Variants in INTS4 observed in about 807,000 individuals in gnomAD.
The protein encoded by INTS4 is integrator complex subunit 4, also known as MSTP093.
A neutral mutation model predicts 119.5 loss-of-function variants in INTS4; 70 were observed. That is an observed-to-expected ratio of 0.59 (90% CI 0.48 to 0.71). The LOEUF is 0.71. Among genes scored for constraint, INTS4 ranks in the 30% least tolerant of loss-of-function variants. INTS4 has a pLI of 0.00. For synonymous variants in INTS4, 316 were observed against 419.6 expected (o/e 0.75, Z 3.02); for missense variants, 867 against 1,173.2 (o/e 0.74, Z 3.81).
At position 77,878,761 on chromosome 11, in the gene INTS4, G is replaced by C. The variant is rs1168440684; in HGVS notation, c.*188C>G. The stretch of plus-strand genomic sequence containing the variant: ...TTTATTGTGGACAGGAGAAGGGTAA[G>C]TAGACTTGAAGGTTTTTTATTTTTT... On this transcript the variant is annotated 3_prime_UTR_variant, in exon 23 of 23. Transcript: ENST00000534064. The C allele has an allele frequency of 1.4e-6, 1 of 694,746 alleles. No individual in the cohort carries two copies. Among genetic ancestry groups the C allele is most frequent in the Non-Finnish European group, 2.6e-6 (1 of 384,248 alleles). The allele number at this position is 694,746 out of a possible 1,614,324, so 43.0% of individuals were successfully genotyped here. A position where few individuals can be genotyped will look rare whatever the true frequency, so the allele number is the denominator to read the frequency against.
intron 8 of INTS4, among the ~76,000 whole-genome samples, chr11:77,941,845 A>G (rs1016274143): frequency 2.0e-5 from 3 of 152,088 alleles, no homozygotes; most frequent in Non-Finnish European, 2.9e-5. Flanking sequence ...TTAGACGTAT[A>G]TTAACTCATT....
chr11:77,970,491 G>A lies in INTS4; in HGVS notation c.471+8505C>T, dbSNP rs114608803. Among the ~76,000 whole-genome samples, 122 of 152,024 alleles carry A rather than the reference G, an allele frequency of 8.0e-4. 1 individual carries two copies. Among genetic ancestry groups the A allele is most frequent in the African/African-American group, 2.8e-3 (116 of 41,498 alleles). Reference sequence around the variant, plus strand: ...CAGAACAGCTGGGTCCTATGGTAAGGCTATTTTTAATTTTTTGAGGAACTG... The same window carrying A: ...CAGAACAGCTGGGTCCTATGGTAAGACTATTTTTAATTTTTTGAGGAACTG... On this transcript the variant is annotated intron_variant, in intron 4 of 22. Transcript: ENST00000534064.
chr11:77,984,102 A>T (rs1856358719), intron 2 of INTS4, among the ~76,000 whole-genome samples: 1 of 152,186 alleles, frequency 6.6e-6, no homozygotes, highest in African/African-American at 2.4e-5. Context: ...AACCTAGAGG[A>T]TATTATGCTA....
At chr11:77,967,973 T>C (rs573867963) in intron 4 of INTS4, among the ~76,000 whole-genome samples, 6 of 152,284 alleles carry the variant, frequency 3.9e-5, no homozygotes, top group East Asian at 1.9e-4. Flanking sequence ...ACCTAGATTG[T>C]AAAGCCTACT....
intron 8 of INTS4, among the ~76,000 whole-genome samples, chr11:77,950,072 A>G (rs529804858): frequency 7.9e-5 from 12 of 152,314 alleles, no homozygotes; most frequent in African/African-American, 2.6e-4. Flanking sequence ...GTGCAGGGAC[A>G]TGGATGAAGC....
At chr11:77,878,070 A>G (rs1951648106), downstream of INTS4, among the ~76,000 whole-genome samples, 1 of 152,156 alleles carries the variant, frequency 6.6e-6, no homozygotes, top group South Asian at 2.1e-4. Flanking sequence ...AAGATCAAGA[A>G]TTTCCTTCAA....
At chr11:77,928,620 G>A (rs926806035) in intron 10 of INTS4, 73 bp from the exon 11 acceptor site, 11 of 1,525,108 alleles carry the variant, frequency 7.2e-6, no homozygotes, top group Non-Finnish European at 9.7e-6. Context: ...CCAGCACTTT[G>A]GGAGGCCAAG....
At chr11:77,939,897 A>T (rs1019914976) in intron 9 of INTS4, among the ~76,000 whole-genome samples, 4 of 152,116 alleles carry the variant, frequency 2.6e-5, no homozygotes, top group African/African-American at 9.7e-5. Context: ...CATGCACAAG[A>T]AAAAGAGCTG....
intron 11 of INTS4, among the ~76,000 whole-genome samples, chr11:77,926,413 TGTACATC>T (rs974873998): frequency 6.6e-6 from 1 of 152,214 alleles, no homozygotes; most frequent in African/African-American, 2.4e-5. Flanking sequence ...TGAACAATTC[TGTACATC>T]AAAACATAGC....
At chr11:77,992,118 C>T (rs1194392241) in intron 1 of INTS4, among the ~76,000 whole-genome samples, 2 of 151,748 alleles carry the variant, frequency 1.3e-5, no homozygotes, top group African/African-American at 2.4e-5. Context: ...AAATATCAGA[C>T]ATGGCATGGT....
chr11:77,963,375 C>CAAAAAAA (rs1162893388), intron 4 of INTS4: 16 of 182,542 alleles, frequency 8.8e-5, no homozygotes, highest in African/African-American at 4.9e-4. Context: ...AAAAAAAAAA[C>CAAAAAAA]AAAAAAAACT....
intron 10 of INTS4, among the ~76,000 whole-genome samples, chr11:77,929,540 G>A (rs1164862998): frequency 2.5e-4 from 38 of 152,188 alleles, no homozygotes; most frequent in Admixed American, 2.2e-3. Flanking sequence ...GATTAAAGTA[G>A]ACTAAATATC....
chr11:77,890,744 A>G (rs1160441061), intron 21 of INTS4, among the ~76,000 whole-genome samples: 3 of 152,194 alleles, frequency 2.0e-5, no homozygotes, highest in Non-Finnish European at 2.9e-5. Flanking sequence ...AGATGGATGG[A>G]AGGAAGGATG....
chr11:77,941,965 T>C (rs1953939422), intron 8 of INTS4, among the ~76,000 whole-genome samples: 1 of 152,212 alleles, frequency 6.6e-6, no homozygotes, highest in South Asian at 2.1e-4. Flanking sequence ...AAAGAATAAA[T>C]TCCAGAGCTA....
At chr11:77,911,832 A>T (rs113068108) in intron 15 of INTS4, among the ~76,000 whole-genome samples, 2 of 152,318 alleles carry the variant, frequency 1.3e-5, no homozygotes, top group South Asian at 4.1e-4. Flanking sequence ...TCCTCACAAT[A>T]TGAATTGCAA....
rs539125474 is a variant in INTS4, at chr11:77,896,406, C to G, written c.2229-2057G>C. ...GTGGCTCACGCCTGTAATTCCAACA[C>G]TTTGGGAGGCTGAGGCAGGCGGATC... On this transcript the variant is annotated intron_variant, in intron 18 of 22. Transcript: ENST00000534064. Among the ~76,000 whole-genome samples the G allele has an allele frequency of 3.0e-4, 45 of 152,182 alleles. No homozygotes were observed. The South Asian group carries it at 7.3e-3, about 25-fold the overall frequency.
intron 17 of INTS4, 145 bp from the exon 18 acceptor site, chr11:77,901,696 G>T: frequency 3.2e-6 from 2 of 629,880 alleles, no homozygotes; most frequent in Non-Finnish European, 5.6e-6. Context: ...AAAGAAATTA[G>T]TATAGTATGC....
chr11:77,886,442 C>T (rs559354117), intron 21 of INTS4, among the ~76,000 whole-genome samples: 57 of 152,192 alleles, frequency 3.7e-4, no homozygotes, highest in Admixed American at 1.4e-3. Context: ...CGAAGGCCCG[C>T]GGCGGGTGTT....
At chr11:77,937,493 C>G (rs1188050841) in intron 10 of INTS4, among the ~76,000 whole-genome samples, 11 of 152,158 alleles carry the variant, frequency 7.2e-5, no homozygotes, top group Non-Finnish European at 1.6e-4. Context: ...CCCGCAATCT[C>G]AACACTTTAG....
Sources: allele counts gnomAD v4.1 joint callset (sites outside exome capture counted in the v4.1 genomes callset), GRCh38; gene constraint gnomAD v4.1.1; transcripts MANE v1.5; gene names NCBI Gene and HGNC (gene_info 2026-07-23, HGNC 2026-07-21).